Variants in GLG1 observed in about 807,000 individuals in gnomAD.
GLG1 encodes the protein golgi glycoprotein 1.
A neutral mutation model predicts 160.5 loss-of-function variants in GLG1; 38 were observed. The ratio of observed to expected loss-of-function variants is 0.24; its 90% confidence interval spans 0.18 to 0.31. The LOEUF is 0.31. GLG1 is among the 10% of genes least tolerant of loss of function. The probability of loss-of-function intolerance (pLI) is 1.00; values close to 1 mark genes in which losing one functional copy is unlikely to be tolerated. For missense variants in GLG1, 1,373 were observed against 1,505.2 expected (o/e 0.91, Z 1.45); for synonymous variants, 644 against 543.4 (o/e 1.19, Z -2.57).
At chr16:74,467,667 T>G in intron 18 of GLG1, 89 bp downstream of exon 18, 1 of 866,602 alleles carries the variant, frequency 1.2e-6, no homozygotes, top group South Asian at 1.5e-5. Context: ...ATGACTAAAA[T>G]GTTACCTTAT....
At chr16:74,578,313 C>T (rs188879641) in intron 1 of GLG1, among the ~76,000 whole-genome samples, 3 of 152,280 alleles carry the variant, frequency 2.0e-5, no homozygotes, top group East Asian at 3.9e-4. Flanking sequence ...CAGCTACTGC[C>T]TTGTCCAAAT....
intron 25 of GLG1, among the ~76,000 whole-genome samples, chr16:74,453,804 G>A (rs80239652): frequency 7.4e-4 from 113 of 151,716 alleles, no homozygotes; most frequent in African/African-American, 2.4e-3. Flanking sequence ...CTTTAAATGC[G>A]TTTGCTGCCT....
intron 13 of GLG1, among the ~76,000 whole-genome samples, chr16:74,473,979 T>C (rs1196353737): frequency 6.6e-6 from 1 of 151,342 alleles, no homozygotes; most frequent in East Asian, 2.0e-4. Context: ...TGAAACACAG[T>C]CTCCCACTCT....
At chr16:74,474,712 A>C (rs2143272671) in intron 12 of GLG1, 80 bp from the exon 13 acceptor site, 1 of 782,290 alleles carries the variant, frequency 1.3e-6, no homozygotes, top group Non-Finnish European at 2.4e-6. Flanking sequence ...GCGTCATGAC[A>C]CTTCCCTTTT....
At chr16:74,534,700 C>T (rs1456464194) in intron 1 of GLG1, among the ~76,000 whole-genome samples, 3 of 151,888 alleles carry the variant, frequency 2.0e-5, no homozygotes, top group African/African-American at 4.8e-5. Flanking sequence ...CATCCAGATC[C>T]TCTGTTTTGT....
chr16:74,552,651 T>A (rs2018234429), intron 1 of GLG1: 1 of 170,870 alleles, frequency 5.9e-6, no homozygotes, highest in African/African-American at 2.4e-5. Context: ...CTGTGTCCCC[T>A]GGTCCGATGA....
intron 2 of GLG1, among the ~76,000 whole-genome samples, chr16:74,510,763 G>A (rs917488558): frequency 6.6e-6 from 1 of 152,136 alleles, no homozygotes; most frequent in African/African-American, 2.4e-5. Flanking sequence ...AAAACATAAG[G>A]AGAAGGACAA....
intron 23 of GLG1, among the ~76,000 whole-genome samples, chr16:74,458,924 G>A (rs12925812): frequency 6.6e-6 from 1 of 152,184 alleles, no homozygotes; most frequent in East Asian, 1.9e-4. Context: ...AGATAGGCCA[G>A]AAATGTTTCC....
At chr16:74,561,009 T>C (rs1302911976) in intron 1 of GLG1, among the ~76,000 whole-genome samples, 2 of 152,264 alleles carry the variant, frequency 1.3e-5, no homozygotes, top group Non-Finnish European at 2.9e-5. Context: ...AGAAGAGATA[T>C]AGTCTGGCAC....
chr16:74,606,364 A>G (rs911793066), intron 1 of GLG1, among the ~76,000 whole-genome samples: 1 of 152,118 alleles, frequency 6.6e-6, no homozygotes, highest in African/African-American at 2.4e-5. Flanking sequence ...GCATCACACA[A>G]AAGACAGGAG....
chr16:74,560,218 G>C (rs1403031977), intron 1 of GLG1, among the ~76,000 whole-genome samples: 1 of 151,876 alleles, frequency 6.6e-6, no homozygotes, highest in Non-Finnish European at 1.5e-5. Flanking sequence ...CATTCCATCA[G>C]TTGAAGGTCT....
intron 1 of GLG1, among the ~76,000 whole-genome samples, chr16:74,601,515 C>G (rs1332418711): frequency 6.6e-6 from 1 of 152,052 alleles, no homozygotes; most frequent in Non-Finnish European, 1.5e-5. Context: ...GTTAATGGCA[C>G]TGACAGCTCT....
chr16:74,487,318 G>T (rs2015828497), intron 8 of GLG1, among the ~76,000 whole-genome samples: 1 of 151,916 alleles, frequency 6.6e-6, no homozygotes, highest in Admixed American at 6.6e-5. Flanking sequence ...TCACTGATTT[G>T]TCCTCTGATC....
intron 1 of GLG1, among the ~76,000 whole-genome samples, chr16:74,544,862 TAGTA>T (rs1431528198): frequency 2.0e-5 from 3 of 152,082 alleles, no homozygotes; most frequent in Non-Finnish European, 4.4e-5. Flanking sequence ...ACAATGCTAG[TAGTA>T]AGTATGTAAT....
Position 74,485,829 on chromosome 16 carries a change from G to A in GLG1, c.1538C>T (p.Thr513Ile). ...TCCAGATCTTATATGTTTGCAGGCT[G>A]TCTGGATTACAGATTCACAAGCTTC... The part of the protein sequence containing the change: ...LNEACESVIQ[T>I]ACKHIRSGDP... Residue 513 changes from threonine to isoleucine, a missense_variant, in exon 9 of 26, where the codon ACA (threonine) becomes ATA (isoleucine). Physicochemically the swap from Thr to Ile is moderately conservative, Grantham distance 89 (BLOSUM62 -1). Around this residue, in one of 4 missense-constraint regions of GLG1, gnomAD observed 386 missense variants for 388.5 expected, o/e 0.99. Transcript: ENST00000422840. The A allele has an allele frequency of 1.9e-6, 3 of 1,612,900 alleles. 1 individual carries two copies. Among genetic ancestry groups the A allele is most frequent in the South Asian group, 2.2e-5 (2 of 91,038 alleles).
At chr16:74,463,502 A>G (rs906514172) in intron 19 of GLG1, 23 bp from the exon 20 acceptor site, 1 of 1,612,760 alleles carries the variant, frequency 6.2e-7, no homozygotes, top group African/African-American at 1.3e-5. Flanking sequence ...AGTTTGATAA[A>G]AACAGCTATC....
intron 1 of GLG1, among the ~76,000 whole-genome samples, chr16:74,585,353 G>T (rs1958024813): frequency 6.6e-6 from 1 of 152,114 alleles, no homozygotes; most frequent in South Asian, 2.1e-4. Context: ...AGGCTGCAGT[G>T]ATCTGAGATT....
intron 2 of GLG1, among the ~76,000 whole-genome samples, chr16:74,509,797 C>A (rs1038038839): frequency 6.7e-6 from 1 of 149,758 alleles, no homozygotes; most frequent in African/African-American, 2.5e-5. Context: ...TGCAGTGAGC[C>A]GAGATAGCGC....
intron 23 of GLG1, 52 bp downstream of exon 23, chr16:74,459,630 G>GAGA: frequency 1.1e-6 from 1 of 914,514 alleles, no homozygotes; most frequent in South Asian, 1.5e-5. Context: ...AAAGGAAGAA[G>GAGA]AGAAAAAAAA....
Sources: gnomAD v4.1 joint callset for allele counts (sites outside exome capture counted in the v4.1 genomes callset) on GRCh38, gnomAD v4.1.1 for gene constraint, gnomAD v4.1.1 regional missense constraint, MANE v1.5 for transcripts, NCBI Gene and HGNC (gene_info 2026-07-23, HGNC 2026-07-21) for gene names.